The following CCDC170 variants were observed in gnomAD, a reference collection of about 807,000 sequenced individuals.
CCDC170 encodes coiled-coil domain containing 170.
A neutral mutation model predicts 72.6 loss-of-function variants in CCDC170; 69 were observed. The ratio of observed to expected loss-of-function variants is 0.95; its 90% CI spans 0.78 to 1.16. The LOEUF (loss-of-function observed/expected upper bound fraction) is 1.16. Among genes scored for constraint, CCDC170 ranks in the 50% most tolerant of loss-of-function variants. The probability of loss-of-function intolerance (pLI) is 0.00; values close to 1 mark genes in which losing one functional copy is unlikely to be tolerated. For missense variants in CCDC170, 852 were observed against 832.5 expected (o/e 1.02, Z -0.29); for synonymous variants, 300 against 303.9 (o/e 0.99, Z 0.13).
intron 9 of CCDC170, among the ~76,000 whole-genome samples, chr6:151,613,338 G>A (rs1185756513): frequency 6.6e-6 from 1 of 152,224 alleles, no homozygotes. Flanking sequence ...AGAAAGCAGA[G>A]GTTGCGGTGA....
chr6:151,559,245 C>G (rs1416824634), intron 5 of CCDC170, among the ~76,000 whole-genome samples: 1 of 152,126 alleles, frequency 6.6e-6, no homozygotes, highest in Admixed American at 6.5e-5. Flanking sequence ...CTCCTGGCCT[C>G]AAGTGATCCA....
At chr6:151,569,171 C>T (rs1355339340) in intron 5 of CCDC170, among the ~76,000 whole-genome samples, 1 of 152,086 alleles carries the variant, frequency 6.6e-6, no homozygotes, top group South Asian at 2.1e-4. Flanking sequence ...GAATTAAGCT[C>T]AAGCCACAGG....
At chr6:151,559,234 ACTC>A (rs2049757603) in intron 5 of CCDC170, among the ~76,000 whole-genome samples, 1 of 150,958 alleles carries the variant, frequency 6.6e-6, no homozygotes, top group South Asian at 2.1e-4. Context: ...CTGGTCTTGA[ACTC>A]CTGGCCTCAA....
At chr6:151,585,867 T>A in intron 6 of CCDC170, 22 bp from the exon 7 acceptor site, 1 of 1,609,272 alleles carries the variant, frequency 6.2e-7, no homozygotes, top group Non-Finnish European at 8.5e-7. Flanking sequence ...GGCTTATTCT[T>A]GATCTGTTTC....
intron 1 of CCDC170, among the ~76,000 whole-genome samples, chr6:151,509,266 GATA>G (rs1258396194): frequency 4.7e-5 from 7 of 149,904 alleles, no homozygotes; most frequent in Non-Finnish European, 3.0e-5. Flanking sequence ...ATCTATGAAT[GATA>G]ATGATGAATA....
chr6:151,570,841 G>A (rs560613126), intron 5 of CCDC170, among the ~76,000 whole-genome samples: 3 of 152,302 alleles, frequency 2.0e-5, no homozygotes, highest in South Asian at 4.1e-4. Flanking sequence ...TTTAAGGACC[G>A]TCATTTAATT....
intron 1 of CCDC170, among the ~76,000 whole-genome samples, chr6:151,514,803 A>T (rs1782211612): frequency 6.6e-6 from 1 of 152,184 alleles, no homozygotes; most frequent in Non-Finnish European, 1.5e-5. Context: ...GTCGGAAGGG[A>T]GAGCAGTGAG....
intron 5 of CCDC170, among the ~76,000 whole-genome samples, chr6:151,569,229 C>T: frequency 6.6e-6 from 1 of 152,080 alleles, no homozygotes; most frequent in East Asian, 1.9e-4. Flanking sequence ...GCAATTTGAT[C>T]TCATGTGTAT....
At chr6:151,589,194 G>T (rs1345837346) in intron 7 of CCDC170, among the ~76,000 whole-genome samples, 1 of 152,150 alleles carries the variant, frequency 6.6e-6, no homozygotes, top group Non-Finnish European at 1.5e-5. Context: ...GGCAGAGGTT[G>T]CAGTGAGCCA....
At chr6:151,509,015 CAAAA>C (rs35476180) in intron 1 of CCDC170, among the ~76,000 whole-genome samples, 8 of 126,770 alleles carry the variant, frequency 6.3e-5, no homozygotes, top group African/African-American at 1.2e-4. Flanking sequence ...AACTCCTTCT[CAAAA>C]AAAAAAAAAA....
At chr6:151,551,815 A>G (rs932809592) in intron 5 of CCDC170, among the ~76,000 whole-genome samples, 1 of 152,132 alleles carries the variant, frequency 6.6e-6, no homozygotes, top group Non-Finnish European at 1.5e-5. Context: ...ACCACCAGCA[A>G]AGTCGTGCTG....
At chr6:151,603,862 T>TA (rs1233459836) in intron 9 of CCDC170, among the ~76,000 whole-genome samples, 1 of 152,198 alleles carries the variant, frequency 6.6e-6, no homozygotes, top group Admixed American at 6.5e-5. Flanking sequence ...CAACACTTCT[T>TA]ATGTCTCCAT....
At chr6:151,561,908 CATTTTTAAAATT>C (rs1776039853) in intron 5 of CCDC170, among the ~76,000 whole-genome samples, 1 of 152,064 alleles carries the variant, frequency 6.6e-6, no homozygotes, top group South Asian at 2.1e-4. Context: ...AAACTCTGTT[CATTTTTAAAATT>C]ATTTTTAAAA....
At chr6:151,541,867 T>TATAA (rs1782695458) in intron 3 of CCDC170, among the ~76,000 whole-genome samples, 1 of 59,496 alleles carries the variant, frequency 1.7e-5, no homozygotes, top group African/African-American at 6.9e-5. Flanking sequence ...TAAATATAAA[T>TATAA]ATATATATAT....
intron 9 of CCDC170, 86 bp downstream of exon 9, chr6:151,596,663 C>T (rs990868892): frequency 8.7e-5 from 132 of 1,517,896 alleles, no homozygotes; most frequent in Non-Finnish European, 9.4e-5. Flanking sequence ...TATCGGGACA[C>T]GCCAGAAGAA....
chr6:151,592,286 G>A (rs868741990), intron 7 of CCDC170, among the ~76,000 whole-genome samples: 1 of 152,154 alleles, frequency 6.6e-6, no homozygotes, highest in Non-Finnish European at 1.5e-5. Context: ...CCGGAACCTG[G>A]GAGGCGGAGG....
intron 9 of CCDC170, 22 bp downstream of exon 9, chr6:151,596,599 G>C (rs753178676): frequency 6.2e-7 from 1 of 1,610,504 alleles, no homozygotes; most frequent in African/African-American, 1.3e-5. Context: ...GCTTCATTTT[G>C]TTGTTGCTTT....
chr6:151,510,041 T>A (rs1782126433), intron 1 of CCDC170, among the ~76,000 whole-genome samples: 1 of 152,202 alleles, frequency 6.6e-6, no homozygotes, highest in African/African-American at 2.4e-5. Context: ...GAGAATCGCT[T>A]GAACCTGGGA....
chr6:151,536,253 A>T, intron 1 of CCDC170, 65 bp from the exon 2 acceptor site: 1 of 1,579,220 alleles, frequency 6.3e-7, no homozygotes, highest in Non-Finnish European at 8.7e-7. Context: ...GGCTTTGTGC[A>T]GCTGCACGGA....
Sources: allele counts gnomAD v4.1 joint callset (sites outside exome capture counted in the v4.1 genomes callset), GRCh38; gene constraint gnomAD v4.1.1; transcripts MANE v1.5; gene names NCBI Gene and HGNC (gene_info 2026-07-23, HGNC 2026-07-21).